The following PLCG2 variants were observed in gnomAD, a reference collection of about 807,000 sequenced individuals.
PLCG2 encodes 1-phosphatidylinositol 4,5-bisphosphate phosphodiesterase gamma-2.
A neutral mutation model predicts 175.6 loss-of-function variants in PLCG2; 69 were observed. That is an observed-to-expected ratio of 0.39 (90% confidence interval 0.32 to 0.48). The LOEUF is 0.48. Among genes scored for constraint, PLCG2 ranks in the 20% least tolerant of loss-of-function variants. PLCG2 has a pLI of 0.91. For synonymous variants in PLCG2, 827 were observed against 624.0 expected (o/e 1.33, Z -4.85); for missense variants, 1,798 against 1,650.9 (o/e 1.09, Z -1.54).
intron 2 of PLCG2, among the ~76,000 whole-genome samples, chr16:81,797,126 A>T (rs1911505076): frequency 6.6e-6 from 1 of 152,146 alleles, no homozygotes; most frequent in African/African-American, 2.4e-5. Context: ...TGGGTAAACG[A>T]GGGAGGCAGC....
intron 7 of PLCG2, among the ~76,000 whole-genome samples, chr16:81,871,303 G>A (rs1192352270): frequency 6.6e-6 from 1 of 152,148 alleles, no homozygotes; most frequent in East Asian, 1.9e-4. Context: ...GCCATCTCCA[G>A]ATTGAGGAAT....
chr16:81,935,365 C>T (rs1910663724), intron 26 of PLCG2, among the ~76,000 whole-genome samples: 1 of 151,932 alleles, frequency 6.6e-6, no homozygotes, highest in Non-Finnish European at 1.5e-5. Flanking sequence ...GTCTGTTCTG[C>T]CATATAAAGT....
chr16:81,776,132 G>A (rs1439951507), upstream of PLCG2, among the ~76,000 whole-genome samples: 4 of 16,722 alleles, frequency 2.4e-4, no homozygotes, highest in Non-Finnish European at 5.9e-4. Context: ...TTTTTTTGAC[G>A]GAGTCTCACT....
intron 2 of PLCG2, among the ~76,000 whole-genome samples, chr16:81,804,663 T>G (rs1000009381): frequency 1.3e-5 from 2 of 152,212 alleles, no homozygotes; most frequent in Admixed American, 6.5e-5. Flanking sequence ...TTTTCATCAT[T>G]TCAAGGTTTA....
At chr16:81,899,697 C>G (rs1367849101) in intron 13 of PLCG2, among the ~76,000 whole-genome samples, 2 of 152,142 alleles carry the variant, frequency 1.3e-5, no homozygotes, top group African/African-American at 4.8e-5. Flanking sequence ...TGAGGGCTGC[C>G]TGGTGTTCCT....
rs77137814 is a variant in PLCG2 at position 81,804,559 on chromosome 16, G to T, written c.193+18377G>T. On this transcript the variant is annotated intron_variant, in intron 2 of 32. Coordinates refer to ENST00000564138, the MANE Select transcript of PLCG2 (RefSeq NM_002661.5). ...TTTAACCATCACTTCTGCTTTTTTT[G>T]TGGCACAAAAGGACCATTTTTTGAA... Among the ~76,000 whole-genome samples, 654 of 152,244 alleles carry T rather than the reference G, an allele frequency of 4.3e-3. 5 individuals carry two copies. The highest frequency in any genetic ancestry group is 0.015 in the African/African-American group (617 of 41,548).
chr16:81,878,838 T>G (rs1907942024), intron 7 of PLCG2, among the ~76,000 whole-genome samples: 1 of 152,196 alleles, frequency 6.6e-6, no homozygotes, highest in African/African-American at 2.4e-5. Context: ...TTGCAGCGTT[T>G]GTGGCTCTTG....
At chr16:81,903,558 A>G (rs11859255) in intron 14 of PLCG2, among the ~76,000 whole-genome samples, 3,810 of 152,276 alleles carry the variant, frequency 0.025, 168 homozygotes, top group African/African-American at 0.088. Flanking sequence ...TGGGGTCACA[A>G]GTTAACAAAA....
chr16:81,915,258 C>T lies in PLCG2; in HGVS notation c.2054+2542C>T, dbSNP rs115504013. On this transcript the variant is annotated intron_variant, in intron 19 of 32. Transcript: ENST00000564138. ...GTCTGCAGCAACTTCTCCTTGCCCT[C>T]TACATATTTGTAAAGTGCCTCTCCT... 6.5e-3 allele frequency among the ~76,000 whole-genome samples: 983 copies of T among 152,292 alleles called. 12 individuals are homozygous for T. Among genetic ancestry groups the T allele is most frequent in the African/African-American group, 0.023 (946 of 41,544 alleles).
chr16:81,746,751 C>G (rs142748821), intron 1 of PLCG2, among the ~76,000 whole-genome samples: 5 of 152,170 alleles, frequency 3.3e-5, no homozygotes, highest in Admixed American at 2.0e-4. Context: ...TCCCACTTCT[C>G]AGGCTTGATA....
At chr16:81,817,121 A>C (rs1269971149) in intron 2 of PLCG2, among the ~76,000 whole-genome samples, 4 of 152,302 alleles carry the variant, frequency 2.6e-5, no homozygotes, top group Admixed American at 1.3e-4. Flanking sequence ...GGAGGTGAAG[A>C]CAAAGCCCTC....
chr16:81,754,839 T>C (rs1405471470), intron 1 of PLCG2, among the ~76,000 whole-genome samples: 2 of 152,330 alleles, frequency 1.3e-5, no homozygotes, highest in Non-Finnish European at 2.9e-5. Flanking sequence ...ACATTGTAGG[T>C]ATTCAAACTT....
intron 2 of PLCG2, among the ~76,000 whole-genome samples, chr16:81,759,927 C>G (rs1178347534): frequency 6.6e-6 from 1 of 152,126 alleles, no homozygotes; most frequent in Non-Finnish European, 1.5e-5. Context: ...GAGATCGAGA[C>G]CATCCTGGCT....
At chr16:81,950,149 A>G (rs987856894) in intron 31 of PLCG2, among the ~76,000 whole-genome samples, 5 of 152,210 alleles carry the variant, frequency 3.3e-5, no homozygotes, top group Admixed American at 2.6e-4. Context: ...CTTACATTTA[A>G]TTTGGTGAAT....
upstream of PLCG2, among the ~76,000 whole-genome samples, chr16:81,777,871 G>A (rs1450033859): frequency 2.0e-5 from 3 of 151,486 alleles, no homozygotes; most frequent in East Asian, 5.8e-4. Context: ...CAAAAAATTA[G>A]CCAAGCATGA....
chr16:81,748,072 C>T (rs1431614463), intron 1 of PLCG2, among the ~76,000 whole-genome samples: 1 of 152,032 alleles, frequency 6.6e-6, no homozygotes, highest in African/African-American at 2.4e-5. Flanking sequence ...ACAGGGTGGC[C>T]CCATATTGGC....
chr16:81,931,968 C>G (rs1008614942), intron 25 of PLCG2, among the ~76,000 whole-genome samples: 4 of 152,182 alleles, frequency 2.6e-5, no homozygotes, highest in Non-Finnish European at 4.4e-5. Flanking sequence ...CTGCCTTCCT[C>G]ATTTTGAATA....
chr16:81,764,515 T>G (rs1377764673), intron 2 of PLCG2, among the ~76,000 whole-genome samples: 1 of 152,214 alleles, frequency 6.6e-6, no homozygotes, highest in Non-Finnish European at 1.5e-5. Context: ...AAGACACTTT[T>G]GCGACACTGA....
intron 11 of PLCG2, among the ~76,000 whole-genome samples, chr16:81,893,064 T>C (rs1372031768): frequency 6.6e-6 from 1 of 152,170 alleles, no homozygotes; most frequent in African/African-American, 2.4e-5. Flanking sequence ...TTTCACTATG[T>C]TGGCCAGGCT....
Sources: gnomAD v4.1 joint callset for allele counts (sites outside exome capture counted in the v4.1 genomes callset) on GRCh38, gnomAD v4.1.1 for gene constraint, MANE v1.5 for transcripts, NCBI Gene and HGNC (gene_info 2026-07-23, HGNC 2026-07-21) for gene names.